ITGA2: variants seen among roughly 807,000 people sequenced by gnomAD.
ITGA2 encodes integrin subunit alpha 2.
ITGA2 carries 101 observed loss-of-function variants against 146.3 expected under a neutral mutation model. That is an observed-to-expected ratio of 0.69 (90% CI 0.59 to 0.81). ITGA2 has a LOEUF of 0.81. ITGA2 is among the 40% of genes least tolerant of loss of function. The pLI is 0.00. For missense variants in ITGA2, 1,281 were observed against 1,402.7 expected, an observed-to-expected ratio of 0.91 and a Z score of 1.39; for synonymous variants, 477 against 487.1, an observed-to-expected ratio of 0.98 and a Z score of 0.27.
At chr5:53,022,027 C>T (rs1579810356) in intron 1 of ITGA2, among the ~76,000 whole-genome samples, 1 of 152,170 alleles carries the variant, frequency 6.6e-6, no homozygotes, top group East Asian at 1.9e-4. Context: ...AAAAGTTAGA[C>T]CCTTTTATTT....
At position 53,065,833 on chromosome 5, in the gene ITGA2, T is replaced by A. The variant is rs939643453; in HGVS notation, c.1807-8T>A. The stretch of plus-strand genomic sequence containing the variant: ...TACTATAATTTCGTGTCAAACCTGC[T>A]CTTTTAGAAAATCTTGGGATCCGAT... On this transcript the variant is annotated splice_region_variant and splice_polypyrimidine_tract_variant and intron_variant, in intron 14 of 29. Coordinates refer to ENST00000296585, the MANE Select transcript of ITGA2 (RefSeq NM_002203.4). 2 of 1,611,636 alleles carry A rather than the reference T, an allele frequency of 1.2e-6. No individual in the cohort carries two copies. The highest frequency in any genetic ancestry group is 2.7e-5 in the African/African-American group (2 of 74,766).
intron 1 of ITGA2, among the ~76,000 whole-genome samples, chr5:52,994,596 G>A (rs749024078): frequency 1.4e-4 from 21 of 152,200 alleles, no homozygotes; most frequent in Non-Finnish European, 2.2e-4. Context: ...TTGCAACTGC[G>A]ATGTCAACTA....
At chr5:53,076,933 C>T (rs1745687817) in intron 23 of ITGA2, among the ~76,000 whole-genome samples, 1 of 151,960 alleles carries the variant, frequency 6.6e-6, no homozygotes, top group African/African-American at 2.4e-5. Context: ...GAAGTCATCC[C>T]TCCCCACCTT....
At chr5:53,017,842 TGGG>T (rs761278638) in intron 1 of ITGA2, among the ~76,000 whole-genome samples, 4 of 151,694 alleles carry the variant, frequency 2.6e-5, no homozygotes, top group Non-Finnish European at 2.9e-5. Context: ...AAAGCAGTGT[TGGG>T]GGGATGTGGA....
At position 53,092,947 on chromosome 5, in the gene ITGA2, A is replaced by G. The variant is rs1714626906; in HGVS notation, c.*2348A>G. 8.3e-6 allele frequency: 1 copy of G among 120,628 alleles called. No homozygotes were observed. Among genetic ancestry groups the G allele is most frequent in the Non-Finnish European group, 1.8e-5 (1 of 56,410 alleles). The allele number at this position is 120,628 out of a possible 1,614,324, so 7.5% of individuals were successfully genotyped here. ...ACATGGTGAAACCCCATCTCTAATA[A>G]TATAAAAATTAGCTGGGCGTAGTAG... On this transcript the variant is annotated 3_prime_UTR_variant, in exon 30 of 30. Transcript: ENST00000296585.
chr5:53,021,768 G>C (rs947042225), intron 1 of ITGA2, among the ~76,000 whole-genome samples: 2 of 152,164 alleles, frequency 1.3e-5, no homozygotes, highest in African/African-American at 4.8e-5. Flanking sequence ...TGGAGACATT[G>C]TTCCCCCTAG....
At chr5:52,998,447 G>T (rs924996799) in intron 1 of ITGA2, among the ~76,000 whole-genome samples, 1 of 152,048 alleles carries the variant, frequency 6.6e-6, no homozygotes, top group South Asian at 2.1e-4. Context: ...AGAGCCAGAC[G>T]CTGTCTCAAA....
At chr5:52,997,103 G>A (rs1040411115) in intron 1 of ITGA2, among the ~76,000 whole-genome samples, 6 of 152,138 alleles carry the variant, frequency 3.9e-5, no homozygotes, top group African/African-American at 1.4e-4. Flanking sequence ...TCTTGAACAC[G>A]TAATTTACAT....
intron 1 of ITGA2, among the ~76,000 whole-genome samples, chr5:52,998,419 C>T (rs568442990): frequency 6.6e-6 from 1 of 152,218 alleles, no homozygotes; most frequent in South Asian, 2.1e-4. Context: ...GGTGCCACTG[C>T]ACTTCAGCCT....
In ITGA2 at chr5:53,061,066, A is replaced by G; in HGVS notation, c.1458+20A>G. On this transcript the variant is annotated intron_variant, in intron 12 of 29. Transcript: ENST00000296585. The stretch of plus-strand genomic sequence containing the variant: ...GACCAGGTAAATCTCACTGTTTAGC[A>G]GGTGAAATTAATTTTAGGGGCAACT... 1.9e-6 allele frequency: 3 copies of G among 1,611,378 alleles called. No individual in the cohort carries two copies. The highest frequency in any genetic ancestry group is 2.5e-6 in the Non-Finnish European group (3 of 1,178,118).
At chr5:52,997,369 T>C (rs1243297805) in intron 1 of ITGA2, among the ~76,000 whole-genome samples, 1 of 152,198 alleles carries the variant, frequency 6.6e-6, no homozygotes. Context: ...AGAAGCCATA[T>C]ATAACTCCTG....
At chr5:53,021,541 C>T (rs1405269920) in intron 1 of ITGA2, among the ~76,000 whole-genome samples, 4 of 152,146 alleles carry the variant, frequency 2.6e-5, no homozygotes, top group African/African-American at 9.7e-5. Context: ...AATTGTGTCC[C>T]CTGTGTCCTG....
rs753486235 is a variant in ITGA2 at position 53,070,196 on chromosome 5, G to A, written c.2171G>A (p.Cys724Tyr). Residue 724 changes from cysteine (C) to tyrosine (Y), a missense_variant, in exon 17 of 30, where the codon TGC (cysteine) becomes TAC (tyrosine). Around this residue, in one of 3 missense-constraint regions of ITGA2, gnomAD observed 11 missense variants for 30.5 expected, o/e 0.36. Transcript: ENST00000296585. ...RGLFKENNER[C>Y]LQKNMVVNQA... The stretch of plus-strand genomic sequence containing the variant: ...TTATTTAAAGAAAACAATGAAAGGT[G>A]CCTGCAGAAGAATATGGTAGTAAAT... 3.7e-6 allele frequency: 6 copies of A among 1,611,950 alleles called. No homozygotes were observed. The highest frequency in any genetic ancestry group is 5.1e-6 in the Non-Finnish European group (6 of 1,178,672).
intron 3 of ITGA2, 44 bp downstream of exon 3, chr5:53,042,265 T>C: frequency 8.6e-7 from 1 of 1,160,030 alleles, no homozygotes; most frequent in Non-Finnish European, 1.3e-6. Context: ...TGTCTTAGAC[T>C]CAACTGAAAA....
intron 1 of ITGA2, among the ~76,000 whole-genome samples, chr5:53,004,231 C>CA (rs895029228): frequency 5.3e-5 from 8 of 152,078 alleles, no homozygotes; most frequent in Non-Finnish European, 1.2e-4. Context: ...ATATTAAGCA[C>CA]ATTTAATGTT....
intron 26 of ITGA2, among the ~76,000 whole-genome samples, chr5:53,082,722 T>C (rs921301712): frequency 4.6e-5 from 7 of 152,216 alleles, no homozygotes; most frequent in African/African-American, 1.7e-4. Flanking sequence ...CTCTTGGTGT[T>C]GTTAAAATCC....
rs1201377599 is a variant in ITGA2, at chr5:53,080,705, TACAGATGGGAA to T, written c.3039+93_3039+103del. 3.0e-6 allele frequency: 3 copies of T among 1,002,098 alleles called. No homozygotes were observed. The Admixed American group carries it at 5.3e-5, about 18-fold the overall frequency. 62.1% of individuals were successfully genotyped at this position (1,002,098 alleles called of 1,614,324 possible). On this transcript the variant is annotated intron_variant, in intron 25 of 29. Transcript: ENST00000296585. Reference sequence around the variant, plus strand: ...ATTAGGGTGATCATGTCTGACATTTTACAGATGGGAAACAGATGGTAACTCCTATGCAGCCT... The same window carrying T: ...ATTAGGGTGATCATGTCTGACATTTTACAGATGGTAACTCCTATGCAGCCT...
intron 15 of ITGA2, 60 bp from the exon 16 acceptor site, chr5:53,067,058 G>A: frequency 6.4e-7 from 1 of 1,555,862 alleles, no homozygotes; most frequent in Non-Finnish European, 8.8e-7. Context: ...TATGATAAAG[G>A]ATATAATACG....
chr5:53,031,381 GCTTA>G (rs1428904555), intron 2 of ITGA2, among the ~76,000 whole-genome samples: 1 of 151,972 alleles, frequency 6.6e-6, no homozygotes, highest in Non-Finnish European at 1.5e-5. Flanking sequence ...TTTTTCCTCT[GCTTA>G]CTTTGACTTT....
Sources: gnomAD v4.1 joint callset for allele counts (sites outside exome capture counted in the v4.1 genomes callset) on GRCh38, gnomAD v4.1.1 for gene constraint, gnomAD v4.1.1 regional missense constraint, MANE v1.5 for transcripts, NCBI Gene and HGNC (gene_info 2026-07-23, HGNC 2026-07-21) for gene names.